ERBB4: variants seen among roughly 807,000 people sequenced by gnomAD.
ERBB4 encodes the protein receptor tyrosine-protein kinase erbB-4.
A neutral mutation model predicts 158.0 loss-of-function variants in ERBB4; 42 were observed. That is an observed-to-expected ratio of 0.27 (90% CI 0.21 to 0.34). The LOEUF (loss-of-function observed/expected upper bound fraction) is 0.34, where lower values mean the gene tolerates loss of function less well. Among genes scored for constraint, ERBB4 ranks in the 10% least tolerant of loss-of-function variants. ERBB4 has a pLI of 1.00. For synonymous variants in ERBB4, 583 were observed against 558.7 expected (o/e 1.04, Z -0.61); for missense variants, 1,333 against 1,624.1 (o/e 0.82, Z 3.08).
intron 12 of ERBB4, among the ~76,000 whole-genome samples, chr2:211,686,036 A>G (rs950331707): frequency 3.3e-5 from 5 of 152,038 alleles, no homozygotes; most frequent in Non-Finnish European, 7.4e-5. Flanking sequence ...GAAATTTTTT[A>G]TGTACATAAT....
chr2:211,973,108 G>A (rs2081501690), intron 2 of ERBB4, among the ~76,000 whole-genome samples: 1 of 151,934 alleles, frequency 6.6e-6, no homozygotes, highest in African/African-American at 2.4e-5. Flanking sequence ...AAAAAAAGTG[G>A]GCAAAAGACA....
intron 1 of ERBB4, among the ~76,000 whole-genome samples, chr2:212,401,314 T>C (rs1241138045): frequency 6.6e-6 from 1 of 152,118 alleles, no homozygotes; most frequent in Non-Finnish European, 1.5e-5. Context: ...ATTGTGAAGA[T>C]CAAGTAAGAT....
At chr2:211,836,384 T>C (rs950066018) in intron 3 of ERBB4, among the ~76,000 whole-genome samples, 2 of 152,038 alleles carry the variant, frequency 1.3e-5, no homozygotes, top group Non-Finnish European at 2.9e-5. Context: ...CTTCCTCCCA[T>C]GAAGGGTTAC....
At position 212,119,114 on chromosome 2, in the gene ERBB4, C is replaced by T. The variant is rs184907102; in HGVS notation, c.234+5638G>A. On this transcript the variant is annotated intron_variant, in intron 2 of 27. Transcript: ENST00000342788. ...ATATTGTAACTATTCCACATCCATG[C>T]ATCAACTGTTAAATAAATTCATCTC... is the stretch of plus-strand genomic sequence containing the variant. 9.9e-5 allele frequency among the ~76,000 whole-genome samples: 15 copies of T among 152,114 alleles called. No homozygotes were observed. In the East Asian group the frequency reaches 2.7e-3, roughly 27 times the overall value.
At chr2:211,809,561 C>T (rs2076700817) in intron 3 of ERBB4, among the ~76,000 whole-genome samples, 1 of 152,032 alleles carries the variant, frequency 6.6e-6, no homozygotes, top group African/African-American at 2.4e-5. Flanking sequence ...TTTATTGCAT[C>T]TATTTGATTC....
At chr2:211,967,013 A>G (rs917066589) in intron 2 of ERBB4, among the ~76,000 whole-genome samples, 2 of 152,134 alleles carry the variant, frequency 1.3e-5, no homozygotes, top group Non-Finnish European at 2.9e-5. Flanking sequence ...ATTATTAAAT[A>G]TTTATTAAAT....
intron 15 of ERBB4, among the ~76,000 whole-genome samples, chr2:211,658,581 T>C (rs1399523910): frequency 6.6e-6 from 1 of 152,188 alleles, no homozygotes; most frequent in Non-Finnish European, 1.5e-5. Context: ...CATGAATTTA[T>C]TTTAAAAGAA....
chr2:211,512,918 C>T (rs2065917210), intron 20 of ERBB4, among the ~76,000 whole-genome samples: 2 of 151,962 alleles, frequency 1.3e-5, no homozygotes, highest in African/African-American at 4.8e-5. Flanking sequence ...TAAAAGATGT[C>T]GGGTAGAAAT....
intron 4 of ERBB4, among the ~76,000 whole-genome samples, chr2:211,754,478 T>C (rs1386093078): frequency 6.6e-6 from 1 of 150,798 alleles, no homozygotes; most frequent in African/African-American, 2.4e-5. Flanking sequence ...CTTGGCTCAC[T>C]GCAACCTCTG....
intron 1 of ERBB4, among the ~76,000 whole-genome samples, chr2:212,227,074 C>G (rs10084370): frequency 6.6e-6 from 1 of 151,774 alleles, no homozygotes; most frequent in African/African-American, 2.4e-5. Flanking sequence ...GGTGAAACCC[C>G]ATCTCTACTA....
intron 12 of ERBB4, among the ~76,000 whole-genome samples, chr2:211,688,775 C>A (rs143426459): frequency 6.6e-6 from 1 of 152,212 alleles, no homozygotes; most frequent in East Asian, 1.9e-4. Flanking sequence ...TTCTTCTATT[C>A]TAATTAACTT....
chr2:211,384,949 T>C (rs1214858110), intron 27 of ERBB4, among the ~76,000 whole-genome samples: 1 of 152,120 alleles, frequency 6.6e-6, no homozygotes, highest in African/African-American at 2.4e-5. Context: ...TCTATGTCTA[T>C]AATATAGACT....
chr2:211,785,468 G>A lies in ERBB4; in HGVS notation c.556+2557C>T, dbSNP rs145997844. ...TTAGCTTTTGCTGTTGGTGTTTTTGGTGTTATATCCACGAATTTATTGCTC... is the reference window on the plus strand; with the variant it reads ...TTAGCTTTTGCTGTTGGTGTTTTTGATGTTATATCCACGAATTTATTGCTC... On this transcript the variant is annotated intron_variant, in intron 4 of 27. Transcript: ENST00000342788. Among the ~76,000 whole-genome samples the A allele has an allele frequency of 3.3e-4, 50 of 152,200 alleles. No individual in the cohort carries two copies. The East Asian group carries it at 9.3e-3, about 28-fold the overall frequency.
chr2:212,239,866 A>C lies in ERBB4; in HGVS notation c.83-114963T>G, dbSNP rs552400235. On this transcript the variant is annotated intron_variant, in intron 1 of 27. Coordinates refer to ENST00000342788, the MANE Select transcript of ERBB4 (RefSeq NM_005235.3). ...TCTAATCCTAAAGGAATTAAATAAC[A>C]AGCTTTTTAGAGGGGGAAAATCAAG... 6.4e-4 allele frequency among the ~76,000 whole-genome samples: 98 copies of C among 152,338 alleles called. 2 individuals are homozygous for C. The highest frequency in any genetic ancestry group is 1.7e-3 in the Admixed American group (26 of 15,300).
At chr2:212,220,321 T>C (rs1196558260) in intron 1 of ERBB4, among the ~76,000 whole-genome samples, 1 of 151,422 alleles carries the variant, frequency 6.6e-6, no homozygotes, top group Non-Finnish European at 1.5e-5. Context: ...GACTGGAAGA[T>C]CTATTTTAAA....
chr2:212,296,018 T>C (rs1271171899), intron 1 of ERBB4, among the ~76,000 whole-genome samples: 2 of 152,034 alleles, frequency 1.3e-5, no homozygotes, highest in Admixed American at 6.6e-5. Flanking sequence ...CTCAATTAGA[T>C]GATCCCAGGA....
At chr2:211,968,174 T>A (rs2125193613) in intron 2 of ERBB4, among the ~76,000 whole-genome samples, 1 of 152,196 alleles carries the variant, frequency 6.6e-6, no homozygotes, top group East Asian at 1.9e-4. Context: ...TTCACTTTTT[T>A]CATCTCACAA....
chr2:212,372,329 T>C (rs2090116666), intron 1 of ERBB4, among the ~76,000 whole-genome samples: 1 of 152,172 alleles, frequency 6.6e-6, no homozygotes, highest in African/African-American at 2.4e-5. Flanking sequence ...ACGCAAAATA[T>C]GGAACTATAG....
intron 1 of ERBB4, among the ~76,000 whole-genome samples, chr2:212,477,561 T>A (rs1381566591): frequency 6.6e-6 from 1 of 152,214 alleles, no homozygotes; most frequent in African/African-American, 2.4e-5. Context: ...TTCCTATAAT[T>A]CAAATCTGTA....
Sources: gnomAD v4.1 joint callset for allele counts (sites outside exome capture counted in the v4.1 genomes callset) on GRCh38, gnomAD v4.1.1 for gene constraint, MANE v1.5 for transcripts, NCBI Gene and HGNC (gene_info 2026-07-23, HGNC 2026-07-21) for gene names.